Variants in MTUS2 observed in about 807,000 individuals in gnomAD.
The protein encoded by MTUS2 is microtubule associated scaffold protein 2, also known as microtubule-associated tumor suppressor candidate 2.
A neutral mutation model predicts 114.1 loss-of-function variants in MTUS2; 40 were observed. The ratio of observed to expected loss-of-function variants is 0.35; its 90% CI spans 0.27 to 0.46. MTUS2 has a LOEUF of 0.46. Ranked by LOEUF, MTUS2 falls within the 20% of genes least tolerant of loss-of-function variation. The pLI is 1.00. For missense variants in MTUS2, 1,679 were observed against 1,705.4 expected (o/e 0.98, Z 0.27); for synonymous variants, 688 against 672.0 (o/e 1.02, Z -0.37).
chr13:29,031,415 T>G lies in MTUS2; in HGVS notation c.2206-2470T>G, dbSNP rs200857850. On this transcript the variant is annotated intron_variant, in intron 3 of 15. Transcript: ENST00000612955. ...GTACATCACATAATCTCTATATATA[T>G]ATATAGAGAGAGATTGATTGACTGA... is the stretch of plus-strand genomic sequence containing the variant. Among the ~76,000 whole-genome samples the G allele has an allele frequency of 1.8e-3, 272 of 151,846 alleles. 2 individuals carry two copies. The highest frequency in any genetic ancestry group is 4.5e-3 in the East Asian group (23 of 5,146).
chr13:29,494,680 G>A (rs930695846), intron 12 of MTUS2, among the ~76,000 whole-genome samples: 8 of 152,064 alleles, frequency 5.3e-5, no homozygotes, highest in South Asian at 2.1e-4. Flanking sequence ...CACCTGCGGC[G>A]TACTGCACTA....
intron 8 of MTUS2, among the ~76,000 whole-genome samples, chr13:29,374,287 T>A (rs1220065187): frequency 6.6e-6 from 1 of 151,320 alleles, no homozygotes; most frequent in African/African-American, 2.4e-5. Flanking sequence ...TGTGAAGAAA[T>A]AATGGCTGAA....
intron 2 of MTUS2, among the ~76,000 whole-genome samples, chr13:28,970,260 T>G (rs1349107796): frequency 1.3e-5 from 2 of 152,264 alleles, no homozygotes; most frequent in African/African-American, 4.8e-5. Flanking sequence ...TTTGTCTAGA[T>G]CTTTATATGT....
chr13:29,027,387 C>G (rs753407110), intron 3 of MTUS2, among the ~76,000 whole-genome samples: 18 of 152,152 alleles, frequency 1.2e-4, no homozygotes, highest in South Asian at 4.1e-4. Context: ...GGCATGGACT[C>G]TTTCTTTAAA....
At chr13:29,335,624 A>T (rs1369443757) in intron 7 of MTUS2, among the ~76,000 whole-genome samples, 2 of 152,124 alleles carry the variant, frequency 1.3e-5, no homozygotes, top group African/African-American at 4.8e-5. Context: ...ACCCAGCTTT[A>T]AAATTTCTCT....
At chr13:29,257,073 G>A (rs1897304120) in intron 5 of MTUS2, among the ~76,000 whole-genome samples, 1 of 152,074 alleles carries the variant, frequency 6.6e-6, no homozygotes, top group African/African-American at 2.4e-5. Context: ...CCCTGCCCTG[G>A]GACACTGCTT....
chr13:29,448,563 A>G (rs79994248), intron 9 of MTUS2, among the ~76,000 whole-genome samples: 463 of 150,818 alleles, frequency 3.1e-3, no homozygotes, highest in African/African-American at 0.011. Context: ...ACTGCTGGAC[A>G]AAGCTGCCTC....
chr13:29,332,924 C>T (rs7991150), intron 7 of MTUS2, among the ~76,000 whole-genome samples: 11,436 of 151,934 alleles, frequency 0.075, 1,352 homozygotes, highest in African/African-American at 0.25. Flanking sequence ...CGTGAGCCAC[C>T]GCGCCCGGCC....
chr13:28,914,583 T>A lies in MTUS2; in HGVS notation c.-243+74733T>A, dbSNP rs1880640009. Among the ~76,000 whole-genome samples the A allele has an allele frequency of 2.0e-5, 3 of 152,020 alleles. No homozygotes were observed. In the South Asian group the frequency reaches 6.2e-4, roughly 31 times the overall value. Reference sequence around the variant, plus strand: ...TTCTGTTGTTTTTGGGTGGAGAGTTTTGTAGATATTTATCAGGTCCACTTG... The same window carrying A: ...TTCTGTTGTTTTTGGGTGGAGAGTTATGTAGATATTTATCAGGTCCACTTG... On this transcript the variant is annotated intron_variant, in intron 2 of 15. Transcript: ENST00000612955.
At chr13:29,106,434 A>G (rs1593483022) in intron 5 of MTUS2, among the ~76,000 whole-genome samples, 1 of 152,142 alleles carries the variant, frequency 6.6e-6, no homozygotes, top group African/African-American at 2.4e-5. Flanking sequence ...ATCTCGTCTC[A>G]CTGCAGCCTC....
intron 9 of MTUS2, among the ~76,000 whole-genome samples, chr13:29,441,345 A>G (rs780300555): frequency 6.6e-6 from 1 of 152,148 alleles, no homozygotes; most frequent in Non-Finnish European, 1.5e-5. Context: ...GGAGGGGAGA[A>G]AGTGGCCCCA....
chr13:29,317,430 C>T (rs1420477125), intron 6 of MTUS2, among the ~76,000 whole-genome samples: 1 of 53,324 alleles, frequency 1.9e-5, no homozygotes, highest in African/African-American at 6.4e-5. Flanking sequence ...CTCTCTCTCT[C>T]TCTTTTTTTT....
chr13:29,016,136 C>T (rs1593385324), intron 2 of MTUS2, among the ~76,000 whole-genome samples: 1 of 152,084 alleles, frequency 6.6e-6, no homozygotes, highest in Non-Finnish European at 1.5e-5. Flanking sequence ...AATTCCTGAC[C>T]TCATGATCCA....
intron 9 of MTUS2, among the ~76,000 whole-genome samples, chr13:29,452,798 G>T (rs9551683): frequency 0.35 from 53,672 of 151,766 alleles, 10,829 homozygotes; most frequent in East Asian, 0.85. Context: ...GAACTGACTG[G>T]CTAGAATAGC....
intron 7 of MTUS2, among the ~76,000 whole-genome samples, chr13:29,347,216 T>C (rs561048357): frequency 6.6e-6 from 1 of 152,096 alleles, no homozygotes; most frequent in South Asian, 2.1e-4. Flanking sequence ...CTATTCTTTT[T>C]ACTCTTCTTC....
chr13:29,360,123 G>A (rs1870099581), intron 8 of MTUS2, among the ~76,000 whole-genome samples: 2 of 152,208 alleles, frequency 1.3e-5, no homozygotes, highest in South Asian at 4.2e-4. Flanking sequence ...GAACAGAGGT[G>A]GGAGCCTAGT....
intron 5 of MTUS2, among the ~76,000 whole-genome samples, chr13:29,204,694 T>TC (rs1895107915): frequency 2.0e-5 from 3 of 152,204 alleles, no homozygotes; most frequent in Non-Finnish European, 4.4e-5. Context: ...CCAGCTCAGG[T>TC]AGCCGCCCAT....
At chr13:29,345,785 T>C (rs1351519384) in intron 7 of MTUS2, among the ~76,000 whole-genome samples, 2 of 152,154 alleles carry the variant, frequency 1.3e-5, no homozygotes, top group Non-Finnish European at 1.5e-5. Flanking sequence ...GGGTAGCCTA[T>C]GTCAGAGGGA....
intron 6 of MTUS2, among the ~76,000 whole-genome samples, chr13:29,294,960 G>A (rs1053412296): frequency 2.0e-5 from 3 of 152,210 alleles, no homozygotes; most frequent in African/African-American, 4.8e-5. Flanking sequence ...GGCTCTTCTT[G>A]GAAATGTGCA....
Sources: allele counts gnomAD v4.1 joint callset (sites outside exome capture counted in the v4.1 genomes callset), GRCh38; gene constraint gnomAD v4.1.1; transcripts MANE v1.5; gene names NCBI Gene and HGNC (gene_info 2026-07-23, HGNC 2026-07-21).